ST18: variants seen among roughly 807,000 people sequenced by gnomAD.
ST18 encodes ST18 C2H2C-type zinc finger transcription factor.
ST18 carries 50 observed loss-of-function variants against 110.0 expected under a neutral mutation model. The ratio of observed to expected loss-of-function variants is 0.45; its 90% CI spans 0.36 to 0.58. The LOEUF (loss-of-function observed/expected upper bound fraction) is 0.58. Among genes scored for constraint, ST18 ranks in the 20% least tolerant of loss-of-function variants. The pLI is 0.00. For missense variants in ST18, 1,306 were observed against 1,280.1 expected, an observed-to-expected ratio of 1.02 and a Z score of -0.31; for synonymous variants, 461 against 452.4, an observed-to-expected ratio of 1.02 and a Z score of -0.24.
intron 2 of ST18, among the ~76,000 whole-genome samples, chr8:52,361,907 T>TC (rs1030565106): frequency 7.2e-5 from 11 of 152,096 alleles, no homozygotes; most frequent in African/African-American, 2.7e-4. Context: ...ACACTTTATT[T>TC]TTTTTTCTTT....
intron 15 of ST18, among the ~76,000 whole-genome samples, chr8:52,151,438 T>C (rs756772655): frequency 7.2e-5 from 11 of 152,232 alleles, no homozygotes; most frequent in Non-Finnish European, 1.5e-4. Context: ...GTAAATAGTT[T>C]AATCTCTCGT....
At chr8:52,156,444 G>C (rs2060038510) in intron 15 of ST18, among the ~76,000 whole-genome samples, 1 of 152,232 alleles carries the variant, frequency 6.6e-6, no homozygotes, top group South Asian at 2.1e-4. Context: ...CATGGTGGAA[G>C]AATCAAATAA....
intron 2 of ST18, among the ~76,000 whole-genome samples, chr8:52,400,655 A>T (rs1842570049): frequency 6.6e-6 from 1 of 152,098 alleles, no homozygotes; most frequent in Non-Finnish European, 1.5e-5. Flanking sequence ...ATTGATTATT[A>T]TAAGATGATA....
intron 2 of ST18, among the ~76,000 whole-genome samples, chr8:52,323,053 C>A (rs1022922682): frequency 6.6e-6 from 1 of 152,194 alleles, no homozygotes; most frequent in Non-Finnish European, 1.5e-5. Flanking sequence ...TTGGACCTAG[C>A]TCCTCGGAGG....
chr8:52,288,175 C>A (rs536182568), intron 2 of ST18, among the ~76,000 whole-genome samples: 1 of 152,276 alleles, frequency 6.6e-6, no homozygotes, highest in East Asian at 1.9e-4. Flanking sequence ...ATGGGACAAC[C>A]AGTTCATCCC....
At chr8:52,191,780 C>A (rs1563970551) in intron 8 of ST18, among the ~76,000 whole-genome samples, 1 of 152,014 alleles carries the variant, frequency 6.6e-6, no homozygotes, top group Non-Finnish European at 1.5e-5. Context: ...AGAAAAGTGC[C>A]TGAGGTAAGA....
chr8:52,270,911 G>GT lies in ST18; in HGVS notation c.-464-40835dup, dbSNP rs562488412. Among the ~76,000 whole-genome samples the GT allele has an allele frequency of 8.5e-3, 1,228 of 144,508 alleles. 10 individuals carry two copies. The highest frequency in any genetic ancestry group is 0.013 in the Non-Finnish European group (847 of 65,448). The allele number at this position is 144,508 out of a possible 152,430, so 94.8% of individuals were successfully genotyped here. ...ACTCAATCAAGTGGTTATAAGTTTT[G>GT]TTTTTTTTTTTGAGATGGAGTCTCG... On this transcript the variant is annotated intron_variant, in intron 2 of 25. Transcript: ENST00000689386.
intron 8 of ST18, chr8:52,206,447 C>T (rs1439043133): frequency 6.6e-6 from 1 of 152,074 alleles, no homozygotes; most frequent in African/African-American, 2.4e-5. Flanking sequence ...ACTTTTCTGC[C>T]CTAGTAAGAA....
intron 2 of ST18, chr8:52,405,733 G>C (rs1844248435): frequency 6.6e-6 from 1 of 151,974 alleles, no homozygotes; most frequent in Admixed American, 6.6e-5. Flanking sequence ...ATTTGTTATA[G>C]ACCCATAAAA....
At chr8:52,130,119 AAAAG>A (rs1207799704) in intron 22 of ST18, among the ~76,000 whole-genome samples, 3,247 of 105,160 alleles carry the variant, frequency 0.031, 55 homozygotes, top group Non-Finnish European at 0.043. Flanking sequence ...AGAAAGAAAG[AAAAG>A]AAAGAAAGAA....
At chr8:52,171,557 G>T in intron 10 of ST18, 1 of 624,150 alleles carries the variant, frequency 1.6e-6, no homozygotes, top group East Asian at 3.5e-5. Flanking sequence ...AAGAGAAATA[G>T]ATTCAATGAA....
At chr8:52,357,674 T>TAA (rs1491180552) in intron 2 of ST18, among the ~76,000 whole-genome samples, 5 of 73,366 alleles carry the variant, frequency 6.8e-5, no homozygotes, top group African/African-American at 1.7e-4. Flanking sequence ...CCAAAATCTA[T>TAA]AAATATATAT....
Position 52,190,017 on chromosome 8 carries a change from T to C in ST18, c.87-9705A>G, listed in dbSNP as rs148289446. Among the ~76,000 whole-genome samples the C allele has an allele frequency of 7.4e-3, 1,130 of 152,286 alleles. 16 individuals carry two copies. Among genetic ancestry groups the C allele is most frequent in the African/African-American group, 0.026 (1,080 of 41,556 alleles). On this transcript the variant is annotated intron_variant, in intron 8 of 25. Coordinates refer to ENST00000689386, the MANE Select transcript of ST18 (RefSeq NM_001352837.2). ...TTCTAGATGGAATGGCAAACATTAG[T>C]ACAGGTTGGGTATCTCAAATCCAAA...
At chr8:52,315,887 C>T (rs2096016105) in intron 2 of ST18, among the ~76,000 whole-genome samples, 1 of 152,138 alleles carries the variant, frequency 6.6e-6, no homozygotes, top group African/African-American at 2.4e-5. Context: ...AGAAAAAAGC[C>T]TCCTTATGAA....
intron 2 of ST18, among the ~76,000 whole-genome samples, chr8:52,350,116 G>T (rs1819617118): frequency 6.6e-6 from 1 of 152,076 alleles, no homozygotes; most frequent in Admixed American, 6.6e-5. Flanking sequence ...GAGGGACCAG[G>T]GACAATAGCC....
At chr8:52,124,969 GC>G (rs1237121861) in intron 23 of ST18, among the ~76,000 whole-genome samples, 16 of 152,298 alleles carry the variant, frequency 1.1e-4, no homozygotes, top group Admixed American at 9.2e-4. Context: ...AAAGTCCCCA[GC>G]TCAATTCTAG....
At chr8:52,227,648 T>C (rs2089949920) in intron 3 of ST18, among the ~76,000 whole-genome samples, 1 of 152,242 alleles carries the variant, frequency 6.6e-6, no homozygotes, top group Admixed American at 6.5e-5. Flanking sequence ...TTAAATGCTT[T>C]GAATTTGATG....
At chr8:52,322,622 G>A (rs1804474425) in intron 2 of ST18, among the ~76,000 whole-genome samples, 1 of 152,196 alleles carries the variant, frequency 6.6e-6, no homozygotes, top group Admixed American at 6.5e-5. Context: ...TGTCCTGCTG[G>A]TCCAGAGAGA....
At chr8:52,241,867 A>G (rs1348481524) in intron 2 of ST18, among the ~76,000 whole-genome samples, 1 of 151,496 alleles carries the variant, frequency 6.6e-6, no homozygotes, top group Non-Finnish European at 1.5e-5. Flanking sequence ...TGTAATTGAA[A>G]CTCTTCCTTC....
Sources: allele counts gnomAD v4.1 joint callset (sites outside exome capture counted in the v4.1 genomes callset), GRCh38; gene constraint gnomAD v4.1.1; transcripts MANE v1.5; gene names NCBI Gene and HGNC (gene_info 2026-07-23, HGNC 2026-07-21).